The following KNDC1 variants were observed in gnomAD, a reference collection of about 807,000 sequenced individuals.
The protein encoded by KNDC1 is kinase non-catalytic C-lobe domain-containing protein 1.
A neutral mutation model predicts 172.8 loss-of-function variants in KNDC1; 106 were observed. The observed-to-expected ratio is 0.61, with a 90% CI of 0.52 to 0.72. The LOEUF is 0.72. Among genes scored for constraint, KNDC1 ranks in the 30% least tolerant of loss-of-function variants. The pLI is 0.00. For missense variants in KNDC1, 2,325 were observed against 2,394.5 expected (o/e 0.97, Z 0.61); for synonymous variants, 1,083 against 1,062.2 (o/e 1.02, Z -0.38).
Position 133,211,518 on chromosome 10 carries a change from C to T in KNDC1, c.4005C>T (p.Phe1335=), listed in dbSNP as rs1214818903. 1.2e-6 allele frequency: 2 copies of T among 1,613,900 alleles called. No individual in the cohort carries two copies. The highest frequency in any genetic ancestry group is 1.1e-5 in the South Asian group (1 of 91,082). ...TGGAGGACTGCTACGCTGTGGACTTCCCTCGGAACAGCGGGCTGCTGGGGA... is the reference window on the plus strand; with the variant it reads ...TGGAGGACTGCTACGCTGTGGACTTTCCTCGGAACAGCGGGCTGCTGGGGA... ...AWVEDCYAVD[F]PRNSGLLGKL... is the part of the protein sequence containing the mutation. The change falls in exon 22 of 30, where the codon TTC becomes TTT. Residue 1335 remains phenylalanine, a synonymous_variant. Transcript: ENST00000304613.
chr10:133,210,650 C>T lies in KNDC1; in HGVS notation c.3834C>T (p.Tyr1278=), dbSNP rs374774529. 1.9e-6 allele frequency: 3 copies of T among 1,613,942 alleles called. No individual in the cohort carries two copies. The highest frequency in any genetic ancestry group is 3.3e-5 in the Admixed American group (2 of 60,028). ...AGGGTTATGTGCAGCAATTCCTCTA[C>T]ACCTTCCGCTACTTCTGCACACCCC... is the stretch of plus-strand genomic sequence containing the variant. ...FLEGYVQQFL[Y]TFRYFCTPHD... The change falls in exon 21 of 30, where the codon TAC becomes TAT. Residue 1278 remains tyrosine (Y), a synonymous_variant. Transcript: ENST00000304613.
At chr10:133,180,104 G>T (rs1011804523) in intron 3 of KNDC1, among the ~76,000 whole-genome samples, 1 of 152,216 alleles carries the variant, frequency 6.6e-6, no homozygotes, top group African/African-American at 2.4e-5. Context: ...TCACTCAAAC[G>T]GCTGCTCTTC....
intron 1 of KNDC1, 145 bp downstream of exon 1, chr10:133,160,714 C>T (rs886788464): frequency 3.7e-6 from 2 of 535,886 alleles, no homozygotes; most frequent in Admixed American, 3.5e-5. Flanking sequence ...CCGTTCTCAG[C>T]CCCCGCGTTA....
At chr10:133,219,829 G>C (rs1845544910) in intron 28 of KNDC1, 126 bp from the exon 29 acceptor site, 3 of 926,038 alleles carry the variant, frequency 3.2e-6, no homozygotes, top group Non-Finnish European at 4.7e-6. Context: ...CAGAGAGCCG[G>C]GTAGACCCCG....
In KNDC1 at chr10:133,186,517, C is replaced by T. The variant is rs777098922; in HGVS notation, c.1169C>T (p.Pro390Leu). ...GRSTDRGPGVPGSPGQPETSH... is the reference protein window; with the variant it reads ...GRSTDRGPGVLGSPGQPETSH... The stretch of plus-strand genomic sequence containing the variant: ...AGCACGGACAGGGGCCCTGGGGTGC[C>T]CGGCAGTCCAGGACAGCCCGAGACT... The change falls in exon 6 of 30, where the codon CCC (proline) becomes CTC (leucine). Residue 390 changes from proline to leucine, a missense_variant. Physicochemically the swap from Pro to Leu is moderately conservative, Grantham distance 98 (BLOSUM62 -3). Transcript: ENST00000304613. 1 of 1,612,254 alleles carries T rather than the reference C, an allele frequency of 6.2e-7. No individual in the cohort carries two copies. The highest frequency in any genetic ancestry group is 1.1e-5 in the South Asian group (1 of 91,054).
At chr10:133,161,100 GC>G (rs1852954329) in intron 1 of KNDC1, among the ~76,000 whole-genome samples, 1 of 152,068 alleles carries the variant, frequency 6.6e-6, no homozygotes, top group Non-Finnish European at 1.5e-5. Context: ...GAGGGGCTCT[GC>G]CTGCCATCTG....
chr10:133,199,679 G>A (rs1217448283), intron 15 of KNDC1, 77 bp downstream of exon 15: 9 of 1,525,596 alleles, frequency 5.9e-6, no homozygotes, highest in Non-Finnish European at 8.0e-6. Context: ...CCTGACCCGG[G>A]CCCAGCCTTC....
At position 133,186,145 on chromosome 10, in the gene KNDC1, C is replaced by T. The variant is rs758977299; in HGVS notation, c.797C>T (p.Pro266Leu). 1.8e-5 allele frequency: 29 copies of T among 1,589,820 alleles called. No individual in the cohort carries two copies. Among genetic ancestry groups the T allele is most frequent in the East Asian group, 2.3e-5 (1 of 44,236 alleles). ...CCAACCAAGGCTCTGCTGTCCACCC[C>T]GGTGAGAAATGGCGAGAGCCACAGC... Reference protein sequence around the residue: ...ASPTKALLSTPVRNGESHSRE... With the variant: ...ASPTKALLSTLVRNGESHSRE... Residue 266 changes from proline to leucine, a missense_variant, in exon 6 of 30, where the codon CCG (proline) becomes CTG (leucine). Transcript: ENST00000304613.
intron 2 of KNDC1, among the ~76,000 whole-genome samples, 185 bp downstream of exon 2, chr10:133,167,764 G>C (rs1324615598): frequency 2.0e-5 from 3 of 152,174 alleles, no homozygotes; most frequent in Non-Finnish European, 2.9e-5. Flanking sequence ...GTCCGTGGGG[G>C]TGCCTGCTGT....
At chr10:133,182,940 G>A (rs867549362) in intron 3 of KNDC1, among the ~76,000 whole-genome samples, 4 of 7,850 alleles carry the variant, frequency 5.1e-4, no homozygotes, top group Admixed American at 1.4e-3. Context: ...GTGGGCACAG[G>A]CGGTGTGGGC....
At position 133,168,325 on chromosome 10, in the gene KNDC1, G is replaced by C; in HGVS notation, c.360+13G>C. On this transcript the variant is annotated intron_variant, in intron 3 of 29. Coordinates refer to ENST00000304613, the MANE Select transcript of KNDC1 (RefSeq NM_152643.8). ...GAACACCTTTGAGGTAAGTGCAGGT[G>C]GGGGTAATGTGCCACACCCCCCTTT... 5 of 1,612,414 alleles carry C rather than the reference G, an allele frequency of 3.1e-6. No homozygotes were observed. In the African/African-American group the frequency reaches 4.0e-5, roughly 13 times the overall value.
intron 16 of KNDC1, 49 bp downstream of exon 16, chr10:133,200,509 C>T (rs1854332700): frequency 7.4e-7 from 1 of 1,360,540 alleles, no homozygotes; most frequent in Non-Finnish European, 9.7e-7. Flanking sequence ...GGCGGCTCCT[C>T]TGTGCTCTCT....
At chr10:133,164,611 C>T (rs1326159087) in intron 1 of KNDC1, among the ~76,000 whole-genome samples, 3 of 152,234 alleles carry the variant, frequency 2.0e-5, no homozygotes, top group South Asian at 2.1e-4. Context: ...TCGGCAGCCC[C>T]GCAGCCCGGC....
At chr10:133,166,603 G>A (rs531613593) in intron 1 of KNDC1, among the ~76,000 whole-genome samples, 30 of 152,284 alleles carry the variant, frequency 2.0e-4, no homozygotes, top group African/African-American at 6.7e-4. Context: ...CTGTGAGTGT[G>A]CACACACCTT....
rs551243507 is a variant in KNDC1, at chr10:133,208,678, C to T, written c.3794+1327C>T. Among the ~76,000 whole-genome samples the T allele has an allele frequency of 1.1e-4, 17 of 152,344 alleles. No individual in the cohort carries two copies. In the South Asian group the frequency reaches 3.3e-3, roughly 30 times the overall value. On this transcript the variant is annotated intron_variant, in intron 20 of 29. Transcript: ENST00000304613. ...CAGGCTGACCCTCGGACCTAGTTCT[C>T]AGCCTCCTCAACTGCAAGACAGACA...
chr10:133,216,614 T>C (rs1318425165), intron 26 of KNDC1, among the ~76,000 whole-genome samples: 2 of 151,848 alleles, frequency 1.3e-5, no homozygotes, highest in Non-Finnish European at 2.9e-5. Flanking sequence ...GAGGTGGCGG[T>C]TGCAGTGAGC....
chr10:133,213,282 T>G (rs1262421679), intron 24 of KNDC1, among the ~76,000 whole-genome samples: 1 of 152,140 alleles, frequency 6.6e-6, no homozygotes, highest in East Asian at 1.9e-4. Flanking sequence ...CGGTTCCTTG[T>G]GCCCCCACCC....
intron 1 of KNDC1, among the ~76,000 whole-genome samples, chr10:133,161,079 C>G (rs1591209375): frequency 6.6e-6 from 1 of 152,096 alleles, no homozygotes; most frequent in East Asian, 1.9e-4. Context: ...CCCCCTACCC[C>G]GCAAGGTGCA....
rs757488436 is a variant in KNDC1 at position 133,207,292 on chromosome 10, G to C, written c.3735G>C (p.Gln1245His). 38 of 1,612,890 alleles carry C rather than the reference G, an allele frequency of 2.4e-5. 1 individual carries two copies. The South Asian group carries it at 3.1e-4, about 13-fold the overall frequency. ...YNVNKHPGGRQKARILQAGTP... is the reference protein window; with the variant it reads ...YNVNKHPGGRHKARILQAGTP... ...TCAACAAGCACCCGGGCGGCCGGCAGAAGGCCCGCATCCTGCAGGCCGGCA... is the reference window on the plus strand; with the variant it reads ...TCAACAAGCACCCGGGCGGCCGGCACAAGGCCCGCATCCTGCAGGCCGGCA... Residue 1245 changes from glutamine (Q) to histidine (H), a missense_variant, in exon 20 of 30, where the codon CAG (glutamine) becomes CAC (histidine). Gln to His is a conservative substitution (Grantham distance 24). Coordinates refer to ENST00000304613, the MANE Select transcript of KNDC1 (RefSeq NM_152643.8).
Sources: gnomAD v4.1 joint callset for allele counts (sites outside exome capture counted in the v4.1 genomes callset) on GRCh38, gnomAD v4.1.1 for gene constraint, MANE v1.5 for transcripts, NCBI Gene and HGNC (gene_info 2026-07-23, HGNC 2026-07-21) for gene names.